The following CELF4 variants were observed in gnomAD, a reference collection of about 807,000 sequenced individuals.
The protein encoded by CELF4 is CUGBP Elav-like family member 4.
Under a neutral mutation model 59.9 loss-of-function variants are expected in CELF4, and 18 were observed. The observed-to-expected ratio is 0.30, with a 90% confidence interval of 0.21 to 0.45. The LOEUF is 0.45. CELF4 is among the 20% of genes least tolerant of loss of function. The probability of loss-of-function intolerance (pLI) is 1.00; values close to 1 mark genes in which losing one functional copy is unlikely to be tolerated. For synonymous variants in CELF4, 261 were observed against 267.1 expected (o/e 0.98, Z 0.22); for missense variants, 456 against 689.0 (o/e 0.66, Z 3.79).
intron 1 of CELF4, among the ~76,000 whole-genome samples, chr18:37,527,439 G>T (rs1408470687): frequency 1.3e-5 from 2 of 152,090 alleles, no homozygotes; most frequent in Admixed American, 1.3e-4. Flanking sequence ...CATTTTCCAA[G>T]AAGTTGGGGT....
At chr18:37,419,622 A>G (rs1417605702) in intron 2 of CELF4, among the ~76,000 whole-genome samples, 4 of 152,170 alleles carry the variant, frequency 2.6e-5, no homozygotes, top group Admixed American at 2.6e-4. Flanking sequence ...ACGTTCTCCT[A>G]TGCTGGTCAG....
At chr18:37,362,183 C>T (rs528528938) in intron 2 of CELF4, among the ~76,000 whole-genome samples, 15 of 152,270 alleles carry the variant, frequency 9.9e-5, no homozygotes, top group African/African-American at 2.9e-4. Flanking sequence ...TTCAACTTGG[C>T]GTCTGAGGTG....
chr18:37,489,804 G>A (rs896657132), intron 1 of CELF4, among the ~76,000 whole-genome samples: 5 of 152,164 alleles, frequency 3.3e-5, no homozygotes, highest in Non-Finnish European at 7.3e-5. Flanking sequence ...GGCTAGAACC[G>A]GGCTCTGAAC....
At chr18:37,277,370 G>A (rs572721292) in intron 3 of CELF4, among the ~76,000 whole-genome samples, 1 of 152,196 alleles carries the variant, frequency 6.6e-6, no homozygotes, top group Admixed American at 6.5e-5. Flanking sequence ...CCTTTGGCTT[G>A]GCAAGACTTT....
chr18:37,499,698 A>G (rs2099929304), intron 1 of CELF4, among the ~76,000 whole-genome samples: 1 of 152,136 alleles, frequency 6.6e-6, no homozygotes, highest in Admixed American at 6.5e-5. Flanking sequence ...GGGGTGAGGG[A>G]TGGTCAATGG....
At chr18:37,472,274 G>A (rs1171599164) in intron 2 of CELF4, among the ~76,000 whole-genome samples, 5 of 152,264 alleles carry the variant, frequency 3.3e-5, no homozygotes, top group South Asian at 2.1e-4. Flanking sequence ...CACTCTCACA[G>A]TGGTTTCCAT....
chr18:37,469,864 C>T (rs994115395), intron 2 of CELF4, among the ~76,000 whole-genome samples: 3 of 152,084 alleles, frequency 2.0e-5, no homozygotes, highest in African/African-American at 2.4e-5. Flanking sequence ...GGCTGGAGCA[C>T]GCAAACCAAC....
intron 2 of CELF4, among the ~76,000 whole-genome samples, chr18:37,418,477 A>AC (rs1162019084): frequency 2.6e-5 from 4 of 152,120 alleles, no homozygotes; most frequent in South Asian, 4.2e-4. Flanking sequence ...CTTCATACAC[A>AC]CCCTGCTGCC....
intron 2 of CELF4, among the ~76,000 whole-genome samples, chr18:37,395,955 G>A (rs1426170322): frequency 2.0e-5 from 3 of 152,100 alleles, no homozygotes; most frequent in Non-Finnish European, 2.9e-5. Flanking sequence ...CTTCTTGCTC[G>A]GCTCCCTTCA....
intron 2 of CELF4, among the ~76,000 whole-genome samples, chr18:37,369,539 A>C (rs570668984): frequency 6.6e-6 from 1 of 152,288 alleles, no homozygotes; most frequent in Admixed American, 6.5e-5. Flanking sequence ...AGGCACATTG[A>C]AATAATTTTA....
At chr18:37,550,490 G>A (rs1568140882) in intron 1 of CELF4, among the ~76,000 whole-genome samples, 1 of 152,232 alleles carries the variant, frequency 6.6e-6, no homozygotes, top group Admixed American at 6.5e-5. Flanking sequence ...ACCAAGCTAA[G>A]CTGAAACTTT....
intron 3 of CELF4, among the ~76,000 whole-genome samples, chr18:37,294,698 C>A (rs1055730667): frequency 4.6e-5 from 7 of 152,210 alleles, no homozygotes; most frequent in Non-Finnish European, 1.0e-4. Flanking sequence ...TTTCTTGTCT[C>A]CACAGTGTCT....
At chr18:37,432,825 G>A (rs1329132437) in intron 2 of CELF4, among the ~76,000 whole-genome samples, 1 of 152,160 alleles carries the variant, frequency 6.6e-6, no homozygotes, top group African/African-American at 2.4e-5. Context: ...CTTTCAGGAA[G>A]CCTTCTTGGA....
At chr18:37,320,709 G>C (rs916536585) in intron 3 of CELF4, among the ~76,000 whole-genome samples, 1 of 152,200 alleles carries the variant, frequency 6.6e-6, no homozygotes, top group African/African-American at 2.4e-5. Context: ...GTCTGGGCAG[G>C]GCCCAGAGGG....
chr18:37,339,328 TGGG>T (rs767941256), intron 2 of CELF4, among the ~76,000 whole-genome samples: 21 of 152,038 alleles, frequency 1.4e-4, no homozygotes, highest in Non-Finnish European at 2.9e-4. Context: ...GACCAGAAAG[TGGG>T]GGCTTGGCTT....
intron 1 of CELF4, among the ~76,000 whole-genome samples, chr18:37,530,376 G>A (rs2099968287): frequency 6.6e-6 from 1 of 152,094 alleles, no homozygotes; most frequent in Non-Finnish European, 1.5e-5. Context: ...ACATTGTATA[G>A]GACCATGCCA....
Position 37,243,186 on chromosome 18 carries a change from C to CTTTT in CELF4, c.*2052_*2055dup, listed in dbSNP as rs561464294. On this transcript the variant is annotated 3_prime_UTR_variant, in exon 13 of 13. Coordinates refer to ENST00000420428, the MANE Select transcript of CELF4 (RefSeq NM_020180.4). ...TGTTTTCTTTTTTTTTTCTTTTTTT[C>CTTTT]TTTTTTTTTTTTTTTTTTTTACATC... is the stretch of plus-strand genomic sequence containing the variant. 2.5e-4 allele frequency: 25 copies of CTTTT among 100,568 alleles called. No individual in the cohort carries two copies. Among genetic ancestry groups the CTTTT allele is most frequent in the East Asian group, 5.9e-4 (2 of 3,382 alleles). 6.2% of individuals were successfully genotyped at this position (100,568 alleles called of 1,614,324 possible). A position where few individuals can be genotyped will look rare whatever the true frequency, so the allele number is the denominator to read the frequency against.
intron 7 of CELF4, among the ~76,000 whole-genome samples, chr18:37,272,386 G>A (rs530765487): frequency 4.3e-4 from 66 of 152,152 alleles, no homozygotes; most frequent in African/African-American, 1.6e-3. Context: ...CTGGGGATTC[G>A]GGGGCATAAC....
intron 1 of CELF4, among the ~76,000 whole-genome samples, chr18:37,556,593 G>A (rs1035998639): frequency 6.6e-6 from 1 of 152,156 alleles, no homozygotes; most frequent in Non-Finnish European, 1.5e-5. Flanking sequence ...CTGCTGTTGT[G>A]CCTACCTGCA....
Sources: gnomAD v4.1 joint callset for allele counts (sites outside exome capture counted in the v4.1 genomes callset) on GRCh38, gnomAD v4.1.1 for gene constraint, MANE v1.5 for transcripts, NCBI Gene and HGNC (gene_info 2026-07-23, HGNC 2026-07-21) for gene names.